NLRC4: variants seen among roughly 807,000 people sequenced by gnomAD.
NLRC4 encodes the protein NLR family CARD domain-containing protein 4.
A neutral mutation model predicts 79.9 loss-of-function variants in NLRC4; 63 were observed. That is an observed-to-expected ratio of 0.79 (90% CI 0.64 to 0.97). The LOEUF is 0.97. Among genes scored for constraint, NLRC4 ranks in the 50% least tolerant of loss-of-function variants. NLRC4 has a pLI of 0.00. For missense variants in NLRC4, 1,074 were observed against 1,215.2 expected (o/e 0.88, Z 1.73); for synonymous variants, 461 against 456.5 (o/e 1.01, Z -0.12).
chr2:32,261,316 C>CCCCTTTTTTTTTTTTTT, intron 1 of NLRC4, among the ~76,000 whole-genome samples: 16 of 96,880 alleles, frequency 1.7e-4, no homozygotes, highest in Non-Finnish European at 2.5e-4. Context: ...AGCCTCCCCC[C>CCCCTTTTTTTTTTTTTT]TTTTGTTTTT....
rs150282475 is a variant in NLRC4, at chr2:32,261,037, C to A, written c.-119+3701G>T. Among the ~76,000 whole-genome samples, 1,393 of 151,736 alleles carry A rather than the reference C, an allele frequency of 9.2e-3. 19 individuals carry two copies. Among genetic ancestry groups the A allele is most frequent in the African/African-American group, 0.032 (1,333 of 41,388 alleles). ...GAAACCCTGTCTCTACTAAAAAATT[C>A]AAAAATTTAGCCAGGCGTGGTGGTG... On this transcript the variant is annotated intron_variant, in intron 1 of 8. Coordinates refer to ENST00000402280, the MANE Select transcript of NLRC4 (RefSeq NM_001199138.2).
chr2:32,236,429 C>G (rs1342067133), intron 6 of NLRC4, 90 bp from the exon 7 acceptor site: 2 of 746,114 alleles, frequency 2.7e-6, no homozygotes, highest in Admixed American at 2.8e-5. Context: ...TGAGTTTTAT[C>G]TTCTCTGCTA....
At position 32,250,191 on chromosome 2, in the gene NLRC4, C is replaced by T; in HGVS notation, c.1673G>A (p.Gly558Asp). 6.2e-7 allele frequency: 1 copy of T among 1,614,176 alleles called. No individual in the cohort carries two copies. The highest frequency in any genetic ancestry group is 8.5e-7 in the Non-Finnish European group (1 of 1,180,028). ...TGTACTCTCTTGATATAAATGGATG[C>T]CACACTCTACAAAGGAATTGATGTT... The part of the protein sequence containing the change: ...AININSFVEC[G>D]IHLYQESTSK... Residue 558 changes from glycine (G) to aspartate (D), a missense_variant, in exon 4 of 9, where the codon GGC becomes GAC. Transcript: ENST00000402280. The surrounding 1 kb of genome is among the most constrained non-coding windows in gnomAD (Gnocchi z 4.9).
chr2:32,235,708 T>TG (rs1283488103), intron 7 of NLRC4, 140 bp from the exon 8 acceptor site: 16 of 707,180 alleles, frequency 2.3e-5, no homozygotes, highest in Non-Finnish European at 3.6e-5. Flanking sequence ...ACTTAATTTT[T>TG]GGTTTTTTTT....
chr2:32,231,034 A>T (rs1285685001), intron 8 of NLRC4, among the ~76,000 whole-genome samples: 1 of 152,152 alleles, frequency 6.6e-6, no homozygotes, highest in Non-Finnish European at 1.5e-5. Context: ...AATGATATTG[A>T]TTATGTTTTC....
chr2:32,249,664 A>C lies in NLRC4; in HGVS notation c.2200T>G (p.Ser734Ala), dbSNP rs1293619680. ...LTIEDERHIT[S>A]VTNLKTLSIH... ...CTCAAGGTTTTCAGGTTTGTTACAG[A>C]TGTGATGTGCCTCTCATCTTCTATG... is the stretch of plus-strand genomic sequence containing the variant. The change falls in exon 4 of 9, where the codon TCT becomes GCT. Residue 734 changes from serine (S) to alanine (A), a missense_variant. By Grantham distance (99) the Ser-to-Ala change is moderately conservative (BLOSUM62 1). Transcript: ENST00000402280. 1 of 1,613,664 alleles carries C rather than the reference A, an allele frequency of 6.2e-7. No individual in the cohort carries two copies. The highest frequency in any genetic ancestry group is 1.7e-5 in the Admixed American group (1 of 59,926).
At chr2:32,254,626 T>G (rs1687162338) in intron 2 of NLRC4, among the ~76,000 whole-genome samples, 1 of 149,666 alleles carries the variant, frequency 6.7e-6, no homozygotes, top group African/African-American at 2.5e-5. Context: ...TTTTTTTTTT[T>G]TTTTTTTTTC....
chr2:32,256,181 ATC>A, intron 2 of NLRC4, among the ~76,000 whole-genome samples: 1 of 152,288 alleles, frequency 6.6e-6, no homozygotes, highest in South Asian at 2.1e-4. Flanking sequence ...TTTTCAGAAT[ATC>A]TCTTTGTCTA....
Position 32,250,997 on chromosome 2 carries a change from C to T in NLRC4, c.867G>A (p.Gln289=). 1 of 1,614,190 alleles carries T rather than the reference C, an allele frequency of 6.2e-7. No homozygotes were observed. ...TTTECLRHIR[Q]FGALTAEVGD... ...CCACCTCAGCAGTCAGGGCACCAAA[C>T]TGCCGTATGTGCCTCAGGCACTCAG... The change falls in exon 4 of 9, where the codon CAG becomes CAA. Residue 289 remains glutamine, a synonymous_variant. Coordinates refer to ENST00000402280, the MANE Select transcript of NLRC4 (RefSeq NM_001199138.2). The surrounding 1 kb of genome is among the most constrained non-coding windows in gnomAD (Gnocchi z 4.9).
chr2:32,237,508 G>A (rs906555648), intron 6 of NLRC4, among the ~76,000 whole-genome samples: 7 of 152,028 alleles, frequency 4.6e-5, no homozygotes, highest in Non-Finnish European at 8.8e-5. Context: ...GTATACAAAT[G>A]GCTTCCTTAG....
intron 5 of NLRC4, among the ~76,000 whole-genome samples, chr2:32,240,148 T>G (rs212720): frequency 0.012 from 1,817 of 152,008 alleles, 27 homozygotes; most frequent in Non-Finnish European, 0.02. Context: ...GCCCAGCTAA[T>G]TTTTGTATTT....
intron 2 of NLRC4, among the ~76,000 whole-genome samples, chr2:32,255,261 C>T (rs1396204948): frequency 1.3e-5 from 2 of 152,132 alleles, no homozygotes; most frequent in Non-Finnish European, 2.9e-5. Context: ...TGGCTCACAC[C>T]TGTAATCCCA....
chr2:32,238,987 T>C (rs1472270553), intron 5 of NLRC4, among the ~76,000 whole-genome samples: 3 of 152,012 alleles, frequency 2.0e-5, no homozygotes, highest in South Asian at 2.1e-4. Context: ...GAAAGAAATA[T>C]ATGATTTTAA....
At chr2:32,248,720 C>T (rs1205183545) in intron 4 of NLRC4, among the ~76,000 whole-genome samples, 1 of 151,676 alleles carries the variant, frequency 6.6e-6, no homozygotes, top group Non-Finnish European at 1.5e-5. Context: ...GAGCTGTGAT[C>T]GCACCACTGC....
intron 2 of NLRC4, among the ~76,000 whole-genome samples, chr2:32,254,067 A>C (rs1219255071): frequency 6.6e-6 from 1 of 151,864 alleles, no homozygotes; most frequent in Non-Finnish European, 1.5e-5. Context: ...CCAATCCCCA[A>C]GGTATAAATA....
At chr2:32,238,430 T>C in intron 5 of NLRC4, 128 bp from the exon 6 acceptor site, 2 of 743,096 alleles carry the variant, frequency 2.7e-6, no homozygotes, top group Non-Finnish European at 4.3e-6. Context: ...TGCAGCGACT[T>C]TAAGTTACAA....
chr2:32,245,022 A>AT (rs1482084326), intron 4 of NLRC4, among the ~76,000 whole-genome samples: 5 of 151,914 alleles, frequency 3.3e-5, no homozygotes. Flanking sequence ...AGAAAATGGG[A>AT]TTATAGACCG....
At chr2:32,242,233 A>G (rs1228632000) in intron 4 of NLRC4, among the ~76,000 whole-genome samples, 2 of 152,198 alleles carry the variant, frequency 1.3e-5, no homozygotes, top group Non-Finnish European at 2.9e-5. Context: ...TAAAAGTTGG[A>G]TCTTTGAAAA....
chr2:32,234,321 G>A (rs1424405655), intron 8 of NLRC4, among the ~76,000 whole-genome samples: 1 of 151,992 alleles, frequency 6.6e-6, no homozygotes, highest in East Asian at 1.9e-4. Context: ...GGTGGAGTGT[G>A]CAGTGAGCTA....
Sources: allele counts gnomAD v4.1 joint callset (sites outside exome capture counted in the v4.1 genomes callset), GRCh38; gene constraint gnomAD v4.1.1; non-coding constraint Gnocchi (gnomAD v3.1); transcripts MANE v1.5; gene names NCBI Gene and HGNC (gene_info 2026-07-23, HGNC 2026-07-21).